Variants in ZNF142 observed in about 807,000 individuals in gnomAD.
ZNF142 encodes the protein zinc finger protein 142 (clone pHZ-49).
In ZNF142, 96 loss-of-function variants were observed where a neutral mutation model predicts 132.1. The observed-to-expected ratio is 0.73, with a 90% CI of 0.62 to 0.86. The LOEUF is 0.86. Among genes scored for constraint, ZNF142 ranks in the 40% least tolerant of loss-of-function variants. ZNF142 has a pLI of 0.00. For missense variants in ZNF142, 2,163 were observed against 2,336.2 expected (o/e 0.93, Z 1.53); for synonymous variants, 842 against 890.1 (o/e 0.95, Z 0.96).
In ZNF142 at chr2:218,648,608, TTATTTTAAGGATGGA is replaced by T. The variant is rs1379034106; in HGVS notation, c.1873+12_1873+26del. ...TATCACCACCATCATTATTACAACATTATTTTAAGGATGGAAACCATCCTACCCGTATGTAGAAGC... is the reference window on the plus strand; with the variant it reads ...TATCACCACCATCATTATTACAACATAACCATCCTACCCGTATGTAGAAGC... On this transcript the variant is annotated intron_variant, in intron 7 of 10. Transcript: ENST00000411696. 6.3e-7 allele frequency: 1 copy of T among 1,596,992 alleles called. No homozygotes were observed. The highest frequency in any genetic ancestry group is 1.1e-5 in the South Asian group (1 of 89,800).
Position 218,637,116 on chromosome 2 carries a change from A to G in ZNF142, c.*1223T>C, listed in dbSNP as rs1696810835. The G allele has an allele frequency of 1.2e-5, 4 of 333,644 alleles. No individual in the cohort carries two copies. Among genetic ancestry groups the G allele is most frequent in the South Asian group, 9.9e-5 (4 of 40,472 alleles). The allele number at this position is 333,644 out of a possible 1,614,324, so 20.7% of individuals were successfully genotyped here. On this transcript the variant is annotated 3_prime_UTR_variant, in exon 11 of 11. Coordinates refer to ENST00000411696, the MANE Select transcript of ZNF142 (RefSeq NM_001379659.1). ...TTAAGAGAACACTGCACAGCACTCA[A>G]AGTCCCCCACTGGACTGCTTCCTCC...
intron 5 of ZNF142, among the ~76,000 whole-genome samples, 168 bp from the exon 6 acceptor site, chr2:218,650,694 C>T (rs373316827): frequency 1.7e-4 from 26 of 152,168 alleles, no homozygotes; most frequent in African/African-American, 4.8e-4. Flanking sequence ...AATAGGAGGA[C>T]GAAGAGCTAA....
Position 218,636,728 on chromosome 2 carries a change from C to A in ZNF142, c.*1611G>T. The A allele has an allele frequency of 2.5e-6, 2 of 796,710 alleles. No homozygotes were observed. The highest frequency in any genetic ancestry group is 1.7e-5 in the South Asian group (1 of 59,696). The allele number at this position is 796,710 out of a possible 1,614,324, so 49.4% of individuals were successfully genotyped here. A position where few individuals can be genotyped will look rare whatever the true frequency, so the allele number is the denominator to read the frequency against. On this transcript the variant is annotated 3_prime_UTR_variant, in exon 11 of 11. Transcript: ENST00000411696. ...AAATTACCTCATTCTTCCTAACAAGCAATCTGGGACCTGATTTTCCACCTT... is the reference window on the plus strand; with the variant it reads ...AAATTACCTCATTCTTCCTAACAAGAAATCTGGGACCTGATTTTCCACCTT...
chr2:218,637,052 T>C lies in ZNF142; in HGVS notation c.*1287A>G. The C allele has an allele frequency of 2.5e-6, 1 of 394,298 alleles. No homozygotes were observed. Among genetic ancestry groups the C allele is most frequent in the South Asian group, 1.9e-5 (1 of 51,586 alleles). 24.4% of individuals were successfully genotyped at this position (394,298 alleles called of 1,614,324 possible). ...GGCTCAAGGCTTCCCCAGCAAAGAT[T>C]AGGGAAAGAGACTTGACCCCAGGAC... On this transcript the variant is annotated 3_prime_UTR_variant, in exon 11 of 11. Coordinates refer to ENST00000411696, the MANE Select transcript of ZNF142 (RefSeq NM_001379659.1).
chr2:218,646,301 C>T lies in ZNF142; in HGVS notation c.1921G>A (p.Val641Met), dbSNP rs776570265. ...CELCDFTCRD[V>M]SYLSKHMLTH... ...AGCATGTGCTTGGATAGGTAGCTCA[C>T]GTCTCGGCATGTGAAGTCACACAGC... is the stretch of plus-strand genomic sequence containing the variant. Residue 641 changes from valine to methionine, a missense_variant, in exon 8 of 11, where the codon GTG becomes ATG. Around this residue, in one of 7 missense-constraint regions of ZNF142, gnomAD observed 749 missense variants for 830.3 expected, o/e 0.90. Coordinates refer to ENST00000411696, the MANE Select transcript of ZNF142 (RefSeq NM_001379659.1). 1.7e-5 allele frequency: 27 copies of T among 1,614,182 alleles called. No homozygotes were observed. The South Asian group carries it at 2.1e-4, about 12-fold the overall frequency.
Position 218,634,396 on chromosome 2 carries a change from G to T in ZNF142, c.*3943C>A. The T allele has an allele frequency of 6.3e-7, 1 of 1,581,890 alleles. No homozygotes were observed. Among genetic ancestry groups the T allele is most frequent in the South Asian group, 1.2e-5 (1 of 85,582 alleles). ...CCAGTACCTATCTTCTTAACTCCCT[G>T]AAAGAGGGGCTGGAAGGCCTCCATG... On this transcript the variant is annotated 3_prime_UTR_variant, in exon 11 of 11. Coordinates refer to ENST00000411696, the MANE Select transcript of ZNF142 (RefSeq NM_001379659.1). The surrounding 1 kb of genome is among the most constrained non-coding windows in gnomAD (Gnocchi z 4.0).
chr2:218,644,381 AG>A lies in ZNF142; in HGVS notation c.2734del (p.Glu913ArgfsTer38). On this transcript the variant is annotated frameshift_variant, in exon 9 of 11. Transcript: ENST00000411696. LOFTEE classifies it high-confidence loss of function. The surrounding 1 kb of genome is among the most constrained non-coding windows in gnomAD (Gnocchi z 4.6). ...AGGGGCTGTTTCAGTGACCTCCTCA[AG>A]GGGTGGCTCAGTCACAGACTCCAGC... ...VELESVTEPP[L>X]EEVTETAPME... 1 of 1,614,016 alleles carries A rather than the reference AG, an allele frequency of 6.2e-7. No individual in the cohort carries two copies. The highest frequency in any genetic ancestry group is 2.2e-5 in the East Asian group (1 of 44,858).
At position 218,644,211 on chromosome 2, in the gene ZNF142, G is replaced by A. The variant is rs1164215274; in HGVS notation, c.2905C>T (p.Pro969Ser). ...TTAGGAGCCTCCTCTAAGGATGGAG[G>A]ATTTGTGGAGGGCTCAGACACTGGC... ...EKPVSEPSTNPPSLEEAPNNW... is the reference protein window; with the variant it reads ...EKPVSEPSTNSPSLEEAPNNW... Residue 969 changes from proline (P) to serine (S), a missense_variant, in exon 9 of 11, where the codon CCT becomes TCT. Transcript: ENST00000411696. The surrounding 1 kb of genome is among the most constrained non-coding windows in gnomAD (Gnocchi z 4.6). The A allele has an allele frequency of 3.7e-6, 6 of 1,614,122 alleles. No individual in the cohort carries two copies. Among genetic ancestry groups the A allele is most frequent in the Non-Finnish European group, 5.1e-6 (6 of 1,179,996 alleles).
intron 2 of ZNF142, 52 bp from the exon 3 acceptor site, chr2:218,658,928 C>G (rs564486127): frequency 2.6e-5 from 4 of 152,462 alleles, no homozygotes; most frequent in African/African-American, 9.6e-5. Flanking sequence ...GGAGAAACAA[C>G]GGGCCCCGGC....
At position 218,636,304 on chromosome 2, in the gene ZNF142, G is replaced by A. The variant is rs1366051044; in HGVS notation, c.*2035C>T. 6.2e-7 allele frequency: 1 copy of A among 1,614,050 alleles called. No homozygotes were observed. Among genetic ancestry groups the A allele is most frequent in the Admixed American group, 1.7e-5 (1 of 60,030 alleles). ...GGGTGCTGGTGCCTGAACTTGCCAT[G>A]CTGCGTTTTGTGGTAATGGATTATG... On this transcript the variant is annotated 3_prime_UTR_variant, in exon 11 of 11. Transcript: ENST00000411696.
At chr2:218,647,267 C>CA (rs1697816948) in intron 7 of ZNF142, among the ~76,000 whole-genome samples, 1 of 151,138 alleles carries the variant, frequency 6.6e-6, no homozygotes, top group African/African-American at 2.4e-5. Context: ...ACTAAAAATA[C>CA]AAAAAATTAG....
At position 218,633,726 on chromosome 2, in the gene ZNF142, C is replaced by T. The variant is rs1313166216; in HGVS notation, c.*4613G>A. 1 of 1,613,954 alleles carries T rather than the reference C, an allele frequency of 6.2e-7. No homozygotes were observed. The highest frequency in any genetic ancestry group is 2.2e-5 in the East Asian group (1 of 44,882). On this transcript the variant is annotated 3_prime_UTR_variant, in exon 11 of 11. Transcript: ENST00000411696. ...CACTTCTACGAGATATCATCTTTCT[C>T]TGAAACCAAGGCCAAGCGCCTCATC...
At chr2:218,648,461 CT>C (rs1937641242) in intron 7 of ZNF142, among the ~76,000 whole-genome samples, 173 bp downstream of exon 7, 1 of 152,212 alleles carries the variant, frequency 6.6e-6, no homozygotes, top group Admixed American at 6.5e-5. Context: ...AATCCTAGCT[CT>C]ACTACTTTAC....
intron 9 of ZNF142, among the ~76,000 whole-genome samples, chr2:218,641,667 G>C (rs1697206877): frequency 1.3e-5 from 2 of 152,110 alleles, no homozygotes; most frequent in Admixed American, 1.3e-4. Context: ...AGCCTCCTGA[G>C]TAGCTGGGAC....
chr2:218,633,813 G>T lies in ZNF142; in HGVS notation c.*4526C>A. On this transcript the variant is annotated 3_prime_UTR_variant, in exon 11 of 11. Coordinates refer to ENST00000411696, the MANE Select transcript of ZNF142 (RefSeq NM_001379659.1). ...AGGGAAGTGGGATGGATAGGTTCAG[G>T]CCTGATGGACTGGCAGGTAAGTCCC... 7 of 1,595,638 alleles carry T rather than the reference G, an allele frequency of 4.4e-6. No individual in the cohort carries two copies. The highest frequency in any genetic ancestry group is 6.0e-6 in the Non-Finnish European group (7 of 1,166,704).
In ZNF142 at chr2:218,643,355, C is replaced by T. The variant is rs778791024; in HGVS notation, c.3761G>A (p.Gly1254Asp). The T allele has an allele frequency of 1.2e-6, 2 of 1,614,194 alleles. No individual in the cohort carries two copies. Among genetic ancestry groups the T allele is most frequent in the Non-Finnish European group, 1.7e-6 (2 of 1,180,030 alleles). The change falls in exon 9 of 11, where the codon GGC becomes GAC. Residue 1254 changes from glycine (G) to aspartate (D), a missense_variant. Physicochemically the swap from Gly to Asp is moderately conservative, Grantham distance 94. This residue lies in a region of ZNF142 where 809 missense variants were observed against 801.7 expected (regional missense o/e 1.01). Transcript: ENST00000411696. The stretch of plus-strand genomic sequence containing the variant: ...GGGGGTCCCTCGTTTTCCTCCCCCG[C>T]CACGTCCCCCCCTGCAGCCTTCAGC... ...HVAEGCRGGR[G>D]GGGKRGTPQT...
At position 218,644,916 on chromosome 2, in the gene ZNF142, G is replaced by T. The variant is rs760972105; in HGVS notation, c.2200C>A (p.Gln734Lys). 7 of 1,614,038 alleles carry T rather than the reference G, an allele frequency of 4.3e-6. No homozygotes were observed. In the South Asian group the frequency reaches 7.7e-5, roughly 18 times the overall value. ...KYELQKHMAS[Q>K]HHPGTPAPLY... is the part of the protein sequence containing the mutation. ...GGGGCCGGTGTGCCAGGGTGGTGCT[G>T]GGAAGCCATGTGCTTCTGCAGCTCA... Residue 734 changes from glutamine (Q) to lysine (K), a missense_variant, in exon 9 of 11, where the codon CAG becomes AAG. Around this residue, in one of 7 missense-constraint regions of ZNF142, gnomAD observed 749 missense variants for 830.3 expected, o/e 0.90. Transcript: ENST00000411696. This position sits in a 1 kb window ranked among gnomAD's most constrained non-coding sequence, Gnocchi z 4.6.
rs369820288 is a variant in ZNF142 at position 218,637,157 on chromosome 2, T to C, written c.*1182A>G. The C allele has an allele frequency of 2.9e-4, 81 of 276,298 alleles. No individual in the cohort carries two copies. In the Middle Eastern group the frequency reaches 6.6e-3, roughly 23 times the overall value. The allele number at this position is 276,298 out of a possible 1,614,324, so 17.1% of individuals were successfully genotyped here. A position where few individuals can be genotyped will look rare whatever the true frequency, so the allele number is the denominator to read the frequency against. On this transcript the variant is annotated 3_prime_UTR_variant, in exon 11 of 11. Coordinates refer to ENST00000411696, the MANE Select transcript of ZNF142 (RefSeq NM_001379659.1). ...TGCTTCCTCCTTAGCCCCACTGGTA[T>C]AAATACATCTCTCTCCAATTTGGCT...
At position 218,633,960 on chromosome 2, in the gene ZNF142, T is replaced by A; in HGVS notation, c.*4379A>T. 1 of 1,260,810 alleles carries A rather than the reference T, an allele frequency of 7.9e-7. No homozygotes were observed. Among genetic ancestry groups the A allele is most frequent in the Non-Finnish European group, 1.1e-6 (1 of 908,838 alleles). 78.1% of individuals were successfully genotyped at this position (1,260,810 alleles called of 1,614,324 possible). Reference sequence around the variant, plus strand: ...CTAGGGGCAGGAAAGCTGGTCTGGATGGACAGAGTAGAGAGGCACAGTGAA... The same window carrying A: ...CTAGGGGCAGGAAAGCTGGTCTGGAAGGACAGAGTAGAGAGGCACAGTGAA... On this transcript the variant is annotated 3_prime_UTR_variant, in exon 11 of 11. Coordinates refer to ENST00000411696, the MANE Select transcript of ZNF142 (RefSeq NM_001379659.1).
Sources: allele counts gnomAD v4.1 joint callset (sites outside exome capture counted in the v4.1 genomes callset), GRCh38; gene constraint gnomAD v4.1.1; regional missense constraint gnomAD v4.1.1; non-coding constraint Gnocchi (gnomAD v3.1); transcripts MANE v1.5; gene names NCBI Gene and HGNC (gene_info 2026-07-23, HGNC 2026-07-21).